The following GIT2 variants were observed in gnomAD, a reference collection of about 807,000 sequenced individuals.
The protein encoded by GIT2 is GIT ArfGAP 2.
A neutral mutation model predicts 100.3 loss-of-function variants in GIT2; 32 were observed. The ratio of observed to expected loss-of-function variants is 0.32; its 90% CI spans 0.24 to 0.43. The LOEUF (loss-of-function observed/expected upper bound fraction) is 0.43, where lower values mean the gene tolerates loss of function less well. GIT2 is among the 20% of genes least tolerant of loss of function. GIT2 has a pLI of 1.00. For synonymous variants in GIT2, 353 were observed against 364.1 expected, an observed-to-expected ratio of 0.97 and a Z score of 0.35; for missense variants, 737 against 975.1, an observed-to-expected ratio of 0.76 and a Z score of 3.25.
chr12:109,977,910 T>A (rs1290630839), intron 7 of GIT2, among the ~76,000 whole-genome samples: 1 of 152,154 alleles, frequency 6.6e-6, no homozygotes, highest in Non-Finnish European at 1.5e-5. Flanking sequence ...TTTTTCTATA[T>A]ATGTTATGTG....
intron 7 of GIT2, among the ~76,000 whole-genome samples, chr12:109,971,937 T>C (rs2136574061): frequency 1.3e-5 from 2 of 150,260 alleles, no homozygotes; most frequent in African/African-American, 4.9e-5. Context: ...GAGGTTGCAG[T>C]GAGCCGAGAT....
intron 18 of GIT2, among the ~76,000 whole-genome samples, chr12:109,935,792 GC>G (rs1326998822): frequency 2.7e-4 from 41 of 152,256 alleles, no homozygotes; most frequent in Non-Finnish European, 4.6e-4. Context: ...CTTTCCTAAG[GC>G]CATCTCTCAA....
intron 4 of GIT2, 37 bp downstream of exon 4, chr12:109,988,926 G>T: frequency 8.9e-7 from 1 of 1,125,272 alleles, no homozygotes; most frequent in Non-Finnish European, 1.3e-6. Context: ...TGCTGTCTCA[G>T]CCCGCTCTTT....
chr12:109,996,378 G>C (rs967556673), upstream of GIT2: 6 of 550,214 alleles, frequency 1.1e-5, no homozygotes, highest in Admixed American at 2.3e-4. Context: ...CAGCACGCAC[G>C]CGCGGGGAGG....
chr12:109,980,688 T>C (rs1243840280), intron 7 of GIT2, among the ~76,000 whole-genome samples: 2 of 152,216 alleles, frequency 1.3e-5, no homozygotes, highest in Admixed American at 6.5e-5. Context: ...CCATTCAATT[T>C]TGCTTTGATT....
At chr12:109,981,341 A>C (rs1421580594) in intron 6 of GIT2, 1 of 276,982 alleles carries the variant, frequency 3.6e-6, no homozygotes, top group Admixed American at 4.8e-5. Flanking sequence ...TTAATGAGGT[A>C]AAAAAATGAA....
At chr12:109,957,491 A>T (rs1879799926) in intron 12 of GIT2, among the ~76,000 whole-genome samples, 8 of 151,914 alleles carry the variant, frequency 5.3e-5, no homozygotes, top group Admixed American at 3.9e-4. Context: ...ATATTCTTTT[A>T]AAAAAAGATA....
intron 4 of GIT2, among the ~76,000 whole-genome samples, chr12:109,987,087 T>C (rs901072832): frequency 7.2e-5 from 11 of 151,818 alleles, no homozygotes; most frequent in Middle Eastern, 3.2e-3. Flanking sequence ...GCCACATCAA[T>C]AGAAGTAAAA....
rs550076434 is a variant in GIT2 at position 109,979,681 on chromosome 12, T to C, written c.718+1271A>G. ...ACTCACCACCAGCTGATGACACTTT[T>C]GAGTTCCCTAATCTACCAACCAGGA... On this transcript the variant is annotated intron_variant, in intron 7 of 19. Transcript: ENST00000355312. Among the ~76,000 whole-genome samples, 8 of 152,302 alleles carry C rather than the reference T, an allele frequency of 5.3e-5. No homozygotes were observed. In the South Asian group the frequency reaches 1.7e-3, roughly 32 times the overall value.
chr12:109,973,567 C>A (rs745968502), intron 7 of GIT2, among the ~76,000 whole-genome samples: 11 of 152,122 alleles, frequency 7.2e-5, no homozygotes, highest in Non-Finnish European at 1.3e-4. Flanking sequence ...TTCTGAAAAA[C>A]CAGCTTTGGT....
At position 109,933,149 on chromosome 12, in the gene GIT2, C is replaced by T; in HGVS notation, c.2109G>A (p.Leu703=). 1.9e-6 allele frequency: 3 copies of T among 1,590,558 alleles called. No individual in the cohort carries two copies. Among genetic ancestry groups the T allele is most frequent in the Non-Finnish European group, 2.6e-6 (3 of 1,167,722 alleles). The change falls in exon 20 of 20, where the codon CTG becomes CTA. Residue 703 remains leucine (L), a synonymous_variant. Coordinates refer to ENST00000355312, the MANE Select transcript of GIT2 (RefSeq NM_057169.5). The surrounding 1 kb of genome is among the most constrained non-coding windows in gnomAD (Gnocchi z 4.5). ...SDMVRTSLRL[L]TSSAYRLQSE... ...ACTGCAGTCGGTAGGCACTGGACGT[C>T]AGTAAACGAAGGGAAGTCCTCACCA... is the stretch of plus-strand genomic sequence containing the variant.
chr12:109,984,265 T>C (rs1886906797), intron 4 of GIT2, among the ~76,000 whole-genome samples: 1 of 151,692 alleles, frequency 6.6e-6, no homozygotes, highest in African/African-American at 2.4e-5. Context: ...CAAAAATTAG[T>C]TGGGTGTGGT....
In GIT2 at chr12:109,932,992, C is replaced by T; in HGVS notation, c.2266G>A (p.Glu756Lys). 1.2e-6 allele frequency: 2 copies of T among 1,607,568 alleles called. No homozygotes were observed. The highest frequency in any genetic ancestry group is 1.7e-6 in the Non-Finnish European group (2 of 1,174,332). Residue 756 changes from glutamate (E) to lysine (K), a missense_variant, in exon 20 of 20, where the codon GAG becomes AAG. Glu to Lys is a moderately conservative substitution (Grantham distance 56). Transcript: ENST00000355312. ...CCCTGCCCTTGTCAGTTGTTGTTCT[C>T]TTTGGTGGTGATGGTAACCAGCTGC... ...AKQLVTITTK[E>K]NNN
At position 109,930,250 on chromosome 12, in the gene GIT2, T is replaced by C. The variant is rs547337193; in HGVS notation, c.*2728A>G. 3.3e-5 allele frequency: 5 copies of C among 152,692 alleles called. No homozygotes were observed. Among genetic ancestry groups the C allele is most frequent in the African/African-American group, 1.2e-4 (5 of 41,528 alleles). 9.5% of individuals were successfully genotyped at this position (152,692 alleles called of 1,614,324 possible). Reference sequence around the variant, plus strand: ...ATTCCAAGGCAGATGACGATTTCTGTGAAAGGAGCTTAGAGGTACAGCTGT... The same window carrying C: ...ATTCCAAGGCAGATGACGATTTCTGCGAAAGGAGCTTAGAGGTACAGCTGT... On this transcript the variant is annotated 3_prime_UTR_variant, in exon 20 of 20. Transcript: ENST00000355312.
chr12:109,983,719 G>A lies in GIT2; in HGVS notation c.406-25C>T, dbSNP rs1886787719. 2.0e-6 allele frequency: 3 copies of A among 1,526,800 alleles called. No homozygotes were observed. In the South Asian group the frequency reaches 3.4e-5, roughly 17 times the overall value. 94.6% of individuals were successfully genotyped at this position (1,526,800 alleles called of 1,614,324 possible). On this transcript the variant is annotated intron_variant, in intron 4 of 19. Transcript: ENST00000355312. ...GCTGAAAAACGCAGAAACAAAAAAGGAATCGTGGTTAGAGGTGTAAAGAAT... is the reference window on the plus strand; with the variant it reads ...GCTGAAAAACGCAGAAACAAAAAAGAAATCGTGGTTAGAGGTGTAAAGAAT...
intron 17 of GIT2, chr12:109,938,780 G>A (rs930626355): frequency 4.5e-5 from 24 of 531,892 alleles, no homozygotes; most frequent in Non-Finnish European, 4.6e-5. Flanking sequence ...CACAGGAAGG[G>A]TGAAGGAGGG....
intron 7 of GIT2, among the ~76,000 whole-genome samples, chr12:109,980,020 T>C (rs1885988444): frequency 6.6e-6 from 1 of 152,256 alleles, no homozygotes; most frequent in African/African-American, 2.4e-5. Context: ...AAAGCAGCCA[T>C]ACACAAGGTA....
At chr12:109,961,236 C>A (rs1394090996) in intron 11 of GIT2, 42 bp downstream of exon 11, 1 of 1,057,842 alleles carries the variant, frequency 9.5e-7, no homozygotes, top group African/African-American at 1.6e-5. Flanking sequence ...ATGACATCAG[C>A]CATTCCCCAA....
At chr12:109,964,182 G>C (rs1881722647) in intron 9 of GIT2, among the ~76,000 whole-genome samples, 1 of 152,012 alleles carries the variant, frequency 6.6e-6, no homozygotes, top group African/African-American at 2.4e-5. Flanking sequence ...ACAATATTTA[G>C]TGCTATCTGA....
Sources: allele counts gnomAD v4.1 joint callset (sites outside exome capture counted in the v4.1 genomes callset), GRCh38; gene constraint gnomAD v4.1.1; non-coding constraint Gnocchi (gnomAD v3.1); transcripts MANE v1.5; gene names NCBI Gene and HGNC (gene_info 2026-07-23, HGNC 2026-07-21).